Variants in ADD3 observed in about 807,000 individuals in gnomAD.
ADD3 encodes the protein gamma-adducin.
In ADD3, 25 loss-of-function variants were observed where a neutral mutation model predicts 80.2. That is an observed-to-expected ratio of 0.31 (90% CI 0.23 to 0.44). The LOEUF (loss-of-function observed/expected upper bound fraction) is 0.44. ADD3 is among the 20% of genes least tolerant of loss of function. ADD3 has a pLI of 1.00. For missense variants in ADD3, 829 were observed against 847.5 expected (o/e 0.98, Z 0.27); for synonymous variants, 284 against 289.6 (o/e 0.98, Z 0.20).
rs187912443 is a variant in ADD3 at position 110,113,577 on chromosome 10, C to T, written c.334+662C>T. Reference sequence around the variant, plus strand: ...CCACTGCACCAGGCCCACCCTGTCTCTATTTTCTAAAATAATAAATCTGAT... The same window carrying T: ...CCACTGCACCAGGCCCACCCTGTCTTTATTTTCTAAAATAATAAATCTGAT... On this transcript the variant is annotated intron_variant, in intron 3 of 14. Transcript: ENST00000356080. Among the ~76,000 whole-genome samples, 104 of 152,214 alleles carry T rather than the reference C, an allele frequency of 6.8e-4. 1 individual carries two copies. Among genetic ancestry groups the T allele is most frequent in the African/African-American group, 2.3e-3 (97 of 41,534 alleles).
chr10:110,098,351 AG>A (rs1250510894), intron 1 of ADD3, among the ~76,000 whole-genome samples: 2 of 152,168 alleles, frequency 1.3e-5, no homozygotes, highest in Admixed American at 1.3e-4. Context: ...TCTGTTTTAT[AG>A]GTACTTATTT....
intron 10 of ADD3, among the ~76,000 whole-genome samples, chr10:110,125,067 A>G (rs545386729): frequency 1.3e-5 from 2 of 152,314 alleles, no homozygotes; most frequent in South Asian, 2.1e-4. Flanking sequence ...TTCATCTTAT[A>G]TAAACTAATG....
intron 1 of ADD3, among the ~76,000 whole-genome samples, chr10:110,089,124 A>T (rs1847159425): frequency 6.6e-6 from 1 of 152,196 alleles, no homozygotes; most frequent in South Asian, 2.1e-4. Flanking sequence ...TAGAGTGGGT[A>T]TGCAGTAAAG....
Position 110,119,562 on chromosome 10 carries a change from C to A in ADD3, c.958C>A (p.Gln320Lys). 1 of 1,611,242 alleles carries A rather than the reference C, an allele frequency of 6.2e-7. No individual in the cohort carries two copies. Among genetic ancestry groups the A allele is most frequent in the South Asian group, 1.1e-5 (1 of 90,720 alleles). Residue 320 changes from glutamine to lysine, a missense_variant and splice_region_variant, in exon 8 of 15, where the codon CAG becomes AAG. By Grantham distance (53) the Gln-to-Lys change is moderately conservative (BLOSUM62 1). Coordinates refer to ENST00000356080, the MANE Select transcript of ADD3 (RefSeq NM_016824.5). ...IFNVQLACEI[Q>K]VQALAGAGGV... ...TAATGTGCAACTAGCCTGTGAGATT[C>A]AGGTAGGAAACATTATTCCCCTTTT... is the stretch of plus-strand genomic sequence containing the variant.
chr10:110,022,811 G>A (rs1438499067), intron 1 of ADD3, among the ~76,000 whole-genome samples: 1 of 152,162 alleles, frequency 6.6e-6, no homozygotes, highest in East Asian at 1.9e-4. Context: ...CATTTGACTT[G>A]AGCTTTAGAG....
intron 1 of ADD3, among the ~76,000 whole-genome samples, chr10:110,032,702 A>C (rs1258617149): frequency 6.6e-6 from 1 of 152,198 alleles, no homozygotes; most frequent in East Asian, 1.9e-4. Context: ...AAGTGTTAGA[A>C]TCTGAAATAA....
Position 110,134,914 on chromosome 10 carries a change from A to C in ADD3, c.*1296A>C, listed in dbSNP as rs1853483428. The C allele has an allele frequency of 6.6e-6, 1 of 152,618 alleles. No homozygotes were observed. Among genetic ancestry groups the C allele is most frequent in the African/African-American group, 2.4e-5 (1 of 41,464 alleles). The allele number at this position is 152,618 out of a possible 1,614,324, so 9.5% of individuals were successfully genotyped here. On this transcript the variant is annotated 3_prime_UTR_variant, in exon 15 of 15. Transcript: ENST00000356080. Reference sequence around the variant, plus strand: ...TCTTGATTTTTACAGATTTAAAAAAATCTTTTCAGTGACCTTTCTTTTTAA... The same window carrying C: ...TCTTGATTTTTACAGATTTAAAAAACTCTTTTCAGTGACCTTTCTTTTTAA...
intron 10 of ADD3, among the ~76,000 whole-genome samples, chr10:110,124,544 TA>T (rs1851902467): frequency 6.6e-6 from 1 of 152,180 alleles, no homozygotes; most frequent in Admixed American, 6.5e-5. Context: ...GTTTTAATGG[TA>T]AACTCGGGAT....
At chr10:110,129,351 G>A (rs1852635599) in intron 12 of ADD3, among the ~76,000 whole-genome samples, 1 of 152,056 alleles carries the variant, frequency 6.6e-6, no homozygotes, top group Admixed American at 6.5e-5. Flanking sequence ...GTTTCTCCAT[G>A]TTGGTCAGGC....
intron 13 of ADD3, among the ~76,000 whole-genome samples, chr10:110,132,041 T>C (rs143857593): frequency 1.2e-3 from 178 of 152,354 alleles, no homozygotes; most frequent in Non-Finnish European, 1.8e-3. Flanking sequence ...ATGCAACATA[T>C]CATTTGCCTG....
chr10:109,999,223 G>A (rs1328888567), intron 1 of ADD3, among the ~76,000 whole-genome samples: 1 of 152,300 alleles, frequency 6.6e-6, no homozygotes, highest in Non-Finnish European at 1.5e-5. Context: ...CAGGCAAACA[G>A]ATTTGTTTGC....
At chr10:110,074,175 CT>C (rs899226530) in intron 1 of ADD3, among the ~76,000 whole-genome samples, 37 of 152,010 alleles carry the variant, frequency 2.4e-4, no homozygotes, top group East Asian at 7.7e-4. Flanking sequence ...AGGAAAAGCC[CT>C]TTTTTTTGGT....
At chr10:110,071,751 C>A (rs1384748539) in intron 1 of ADD3, among the ~76,000 whole-genome samples, 2 of 152,178 alleles carry the variant, frequency 1.3e-5, no homozygotes, top group African/African-American at 4.8e-5. Flanking sequence ...CTTGAAGATA[C>A]AATACAACCT....
At chr10:110,065,493 TC>T (rs1843792099) in intron 1 of ADD3, among the ~76,000 whole-genome samples, 1 of 135,036 alleles carries the variant, frequency 7.4e-6, no homozygotes, top group African/African-American at 2.8e-5. Context: ...TGTCTGTCTC[TC>T]TCTCTCTCTC....
intron 1 of ADD3, among the ~76,000 whole-genome samples, chr10:110,089,978 C>T (rs1847269880): frequency 6.6e-6 from 1 of 151,986 alleles, no homozygotes; most frequent in African/African-American, 2.4e-5. Flanking sequence ...TTATTTTCAC[C>T]TCTACCAATG....
At chr10:110,042,858 C>T (rs1856529489) in intron 1 of ADD3, among the ~76,000 whole-genome samples, 1 of 151,940 alleles carries the variant, frequency 6.6e-6, no homozygotes, top group African/African-American at 2.4e-5. Flanking sequence ...CTAAAGTACA[C>T]CCATACCAAG....
intron 2 of ADD3, among the ~76,000 whole-genome samples, chr10:110,107,728 C>A (rs148899475): frequency 8.5e-4 from 130 of 152,240 alleles, no homozygotes; most frequent in African/African-American, 3.0e-3. Context: ...AAATACCTCA[C>A]ACGGTTGTGA....
At chr10:110,114,001 C>T (rs1436967507) in intron 3 of ADD3, among the ~76,000 whole-genome samples, 1 of 152,130 alleles carries the variant, frequency 6.6e-6, no homozygotes, top group African/African-American at 2.4e-5. Flanking sequence ...CTCAAAAGCT[C>T]AAAGAGGAAG....
At chr10:110,100,175 C>A (rs1848643967) in intron 1 of ADD3, among the ~76,000 whole-genome samples, 2 of 151,932 alleles carry the variant, frequency 1.3e-5, no homozygotes, top group Non-Finnish European at 2.9e-5. Flanking sequence ...GGTGAAACCC[C>A]ATCTCTACTT....
Sources: gnomAD v4.1 joint callset for allele counts (sites outside exome capture counted in the v4.1 genomes callset) on GRCh38, gnomAD v4.1.1 for gene constraint, MANE v1.5 for transcripts, NCBI Gene and HGNC (gene_info 2026-07-23, HGNC 2026-07-21) for gene names.